Variants in GLI4 observed in about 807,000 individuals in gnomAD.
GLI4 encodes zinc finger protein GLI4.
A neutral mutation model predicts 30.9 loss-of-function variants in GLI4; 34 were observed. The observed-to-expected ratio is 1.10, with a 90% confidence interval of 0.84 to 1.47. The LOEUF is 1.47. Ranked by LOEUF, GLI4 falls within the 40% of genes most tolerant of loss-of-function variation. The pLI, the probability that GLI4 is intolerant of heterozygous loss-of-function variation, is 0.00. For synonymous variants in GLI4, 277 were observed against 236.7 expected, an observed-to-expected ratio of 1.17 and a Z score of -1.56; for missense variants, 696 against 538.9, an observed-to-expected ratio of 1.29 and a Z score of -2.89.
intron 1 of GLI4, among the ~76,000 whole-genome samples, chr8:143,268,389 G>C (rs1279613134): frequency 6.6e-6 from 1 of 152,232 alleles, no homozygotes; most frequent in Non-Finnish European, 1.5e-5. Flanking sequence ...TGAAAGAAAA[G>C]TCACTTTTCA....
At chr8:143,268,859 C>CTGCTGCTGCTGT (rs35422165) in intron 1 of GLI4, among the ~76,000 whole-genome samples, 1,701 of 149,486 alleles carry the variant, frequency 0.011, 16 homozygotes, top group Middle Eastern at 0.027. Flanking sequence ...GCTGCTGCTG[C>CTGCTGCTGCTGT]TGTTGTTTGA....
intron 2 of GLI4, chr8:143,274,395 A>G: frequency 4.4e-6 from 1 of 228,492 alleles, no homozygotes. Flanking sequence ...CACCAAGGTG[A>G]CAAAGCCGCC....
intron 2 of GLI4, among the ~76,000 whole-genome samples, chr8:143,271,684 C>T (rs370755154): frequency 1.3e-5 from 2 of 152,228 alleles, no homozygotes; most frequent in Middle Eastern, 3.4e-3. Flanking sequence ...CTGGTGGGTG[C>T]GTTGCTGGGC....
At position 143,276,559 on chromosome 8, in the gene GLI4, G is replaced by T. The variant is rs774944276; in HGVS notation, c.886G>T (p.Ala296Ser). The T allele has an allele frequency of 1.9e-6, 3 of 1,612,080 alleles. No individual in the cohort carries two copies. In the African/African-American group the frequency reaches 4.0e-5, roughly 22 times the overall value. ...QRLHTGEKPY[A>S]CSQCGKAFIW... ...GCTGCACACGGGTGAGAAGCCCTAC[G>T]CCTGCAGCCAGTGCGGCAAGGCCTT... The change falls in exon 4 of 4, where the codon GCC (alanine) becomes TCC (serine). Residue 296 changes from alanine (A) to serine (S), a missense_variant. Coordinates refer to ENST00000340042, the MANE Select transcript of GLI4 (RefSeq NM_138465.4).
rs1442947912 is a variant in GLI4, at chr8:143,276,389, A to G, written c.716A>G (p.Tyr239Cys). The change falls in exon 4 of 4, where the codon TAC (tyrosine) becomes TGC (cysteine). Residue 239 changes from tyrosine (Y) to cysteine (C), a missense_variant. By Grantham distance (194) the Tyr-to-Cys change is radical. Coordinates refer to ENST00000340042, the MANE Select transcript of GLI4 (RefSeq NM_138465.4). ...CGCATCCACACGGGCGAGAAGCCCT[A>G]CGAGTGCGGCCAGTGCGGCCGCGCC... is the stretch of plus-strand genomic sequence containing the variant. ...HHRIHTGEKP[Y>C]ECGQCGRAFS... 6.2e-7 allele frequency: 1 copy of G among 1,610,786 alleles called. No individual in the cohort carries two copies. The highest frequency in any genetic ancestry group is 1.3e-5 in the African/African-American group (1 of 74,184).
Position 143,275,982 on chromosome 8 carries a change from C to T in GLI4, c.309C>T (p.Leu103=). 1 of 1,397,402 alleles carries T rather than the reference C, an allele frequency of 7.2e-7. No homozygotes were observed. The highest frequency in any genetic ancestry group is 9.3e-7 in the Non-Finnish European group (1 of 1,078,776). The allele number at this position is 1,397,402 out of a possible 1,614,324, so 86.6% of individuals were successfully genotyped here. ...DEGAGGALRS[L]LRSLPRRARC... Reference sequence around the variant, plus strand: ...GGGCGGGCGGGGCGCTGCGCAGCCTCCTGAGGAGCCTTCCCCGCAGGGCCC... The same window carrying T: ...GGGCGGGCGGGGCGCTGCGCAGCCTTCTGAGGAGCCTTCCCCGCAGGGCCC... The change falls in exon 4 of 4, where the codon CTC becomes CTT. Residue 103 remains leucine, a synonymous_variant. Transcript: ENST00000340042.
intron 3 of GLI4, chr8:143,275,401 G>T (rs748928367): frequency 2.2e-6 from 3 of 1,395,282 alleles, no homozygotes; most frequent in Admixed American, 3.1e-5. Flanking sequence ...AGAGATTTGC[G>T]TGGGAAGCTC....
rs373062628 is a variant in GLI4 at position 143,276,409 on chromosome 8, C to T, written c.736C>T (p.Arg246Cys). The T allele has an allele frequency of 9.7e-5, 155 of 1,604,476 alleles. No homozygotes were observed. Among genetic ancestry groups the T allele is most frequent in the Non-Finnish European group, 1.2e-4 (145 of 1,177,436 alleles). ...EKPYECGQCG[R>C]AFSHSSHFTQ... is the part of the protein sequence containing the mutation. ...GCCCTACGAGTGCGGCCAGTGCGGC[C>T]GCGCCTTCAGCCACAGCTCGCACTT... is the stretch of plus-strand genomic sequence containing the variant. The change falls in exon 4 of 4, where the codon CGC (arginine) becomes TGC (cysteine). Residue 246 changes from arginine to cysteine, a missense_variant. By Grantham distance (180) the Arg-to-Cys change is radical. Coordinates refer to ENST00000340042, the MANE Select transcript of GLI4 (RefSeq NM_138465.4).
At chr8:143,272,647 G>A (rs1815295366) in intron 2 of GLI4, among the ~76,000 whole-genome samples, 2 of 152,202 alleles carry the variant, frequency 1.3e-5, no homozygotes, top group Admixed American at 6.5e-5. Flanking sequence ...ACCTGGCACA[G>A]CCTGGGCACA....
At chr8:143,268,114 A>G (rs1234690730) in intron 1 of GLI4, 1 of 983,512 alleles carries the variant, frequency 1.0e-6, no homozygotes. Context: ...TTAACTAAGT[A>G]ACTTGAGATG....
chr8:143,275,636 C>G (rs1040094571), intron 3 of GLI4: 2 of 1,235,352 alleles, frequency 1.6e-6, no homozygotes, highest in Non-Finnish European at 2.0e-6. Context: ...CGTGCACCGG[C>G]ACGGCCGCCG....
chr8:143,276,025 G>C lies in GLI4; in HGVS notation c.352G>C (p.Gly118Arg), dbSNP rs1329660748. 7.1e-7 allele frequency: 1 copy of C among 1,400,292 alleles called. No homozygotes were observed. The highest frequency in any genetic ancestry group is 9.3e-7 in the Non-Finnish European group (1 of 1,080,076). 86.7% of individuals were successfully genotyped at this position (1,400,292 alleles called of 1,614,324 possible). The part of the protein sequence containing the change: ...PRRARCSAGF[G>R]PESSAERPAG... Reference sequence around the variant, plus strand: ...CAGGGCCCGGTGCAGCGCCGGCTTCGGGCCTGAATCCAGCGCGGAGCGGCC... The same window carrying C: ...CAGGGCCCGGTGCAGCGCCGGCTTCCGGCCTGAATCCAGCGCGGAGCGGCC... The change falls in exon 4 of 4, where the codon GGG becomes CGG. Residue 118 changes from glycine to arginine, a missense_variant. Gly to Arg is a moderately radical substitution (Grantham distance 125, BLOSUM62 -2). Transcript: ENST00000340042.
rs569200457 is a variant in GLI4, at chr8:143,271,244, G to A, written c.124+1724G>A. 2.6e-5 allele frequency among the ~76,000 whole-genome samples: 4 copies of A among 152,252 alleles called. No individual in the cohort carries two copies. The South Asian group carries it at 8.3e-4, about 32-fold the overall frequency. Reference sequence around the variant, plus strand: ...CAGCAAGTGTGGCTGCTTTCCCCCAGCAAGAGACTGTGGCAGGAGGAGATT... The same window carrying A: ...CAGCAAGTGTGGCTGCTTTCCCCCAACAAGAGACTGTGGCAGGAGGAGATT... On this transcript the variant is annotated intron_variant, in intron 2 of 3. Transcript: ENST00000340042.
chr8:143,274,661 G>A, intron 2 of GLI4, 43 bp from the exon 3 acceptor site: 2 of 1,516,938 alleles, frequency 1.3e-6, no homozygotes, highest in Non-Finnish European at 1.8e-6. Context: ...CGGAGGCAGT[G>A]GTCCAGAGGG....
At chr8:143,270,759 C>T (rs1586726504) in intron 2 of GLI4, among the ~76,000 whole-genome samples, 1 of 152,068 alleles carries the variant, frequency 6.6e-6, no homozygotes, top group East Asian at 1.9e-4. Flanking sequence ...AGACTCAGGG[C>T]ATGCCCTGGC....
chr8:143,270,082 A>T (rs778905533), intron 2 of GLI4, among the ~76,000 whole-genome samples: 2 of 152,224 alleles, frequency 1.3e-5, no homozygotes, highest in Non-Finnish European at 2.9e-5. Context: ...CTGAGGCTAC[A>T]TCTCTGCTGG....
intron 3 of GLI4, chr8:143,275,568 A>T (rs1337854578): frequency 1.6e-6 from 2 of 1,248,550 alleles, no homozygotes; most frequent in Non-Finnish European, 2.0e-6. Context: ...CCTCACCAAC[A>T]CTTAGTGCTT....
Position 143,269,528 on chromosome 8 carries a change from C to T in GLI4, c.124+8C>T, listed in dbSNP as rs1815219112. The T allele has an allele frequency of 3.1e-6, 5 of 1,610,890 alleles. No homozygotes were observed. The highest frequency in any genetic ancestry group is 1.7e-5 in the Admixed American group (1 of 60,018). Reference sequence around the variant, plus strand: ...TCCATGGGCATCAACATGGTACTCACCCAGCCCGCTGTGCGCCCTCCACCC... The same window carrying T: ...TCCATGGGCATCAACATGGTACTCATCCAGCCCGCTGTGCGCCCTCCACCC... On this transcript the variant is annotated splice_region_variant and intron_variant, in intron 2 of 3. Coordinates refer to ENST00000340042, the MANE Select transcript of GLI4 (RefSeq NM_138465.4).
In GLI4 at chr8:143,276,747, G is replaced by A. The variant is rs752352828; in HGVS notation, c.1074G>A (p.Lys358=). 1.2e-6 allele frequency: 2 copies of A among 1,606,692 alleles called. No individual in the cohort carries two copies. Among genetic ancestry groups the A allele is most frequent in the South Asian group, 1.1e-5 (1 of 90,584 alleles). ...EKPFACGACG[K]AFGQSSQLIQ... is the part of the protein sequence containing the mutation. ...CCTTCGCGTGTGGCGCCTGCGGCAA[G>A]GCCTTCGGCCAGAGCTCCCAGCTCA... is the stretch of plus-strand genomic sequence containing the variant. The change falls in exon 4 of 4, where the codon AAG becomes AAA. Residue 358 remains lysine (K), a synonymous_variant. Transcript: ENST00000340042.
Sources: gnomAD v4.1 joint callset for allele counts (sites outside exome capture counted in the v4.1 genomes callset) on GRCh38, gnomAD v4.1.1 for gene constraint, MANE v1.5 for transcripts, NCBI Gene and HGNC (gene_info 2026-07-23, HGNC 2026-07-21) for gene names.